The following RSU1 variants were observed in gnomAD, a reference collection of about 807,000 sequenced individuals.
RSU1 encodes Ras suppressor protein 1, also known as rsu-1.
In RSU1, 26 loss-of-function variants were observed where a neutral mutation model predicts 31.1. That is an observed-to-expected ratio of 0.84 (90% CI 0.61 to 1.16). The LOEUF (loss-of-function observed/expected upper bound fraction) is 1.16. RSU1 is among the 50% of genes most tolerant of loss of function. RSU1 has a pLI of 0.00. For missense variants in RSU1, 320 were observed against 339.1 expected (o/e 0.94, Z 0.44); for synonymous variants, 164 against 136.3 (o/e 1.20, Z -1.41).
chr10:16,601,622 T>A (rs1014962462), intron 8 of RSU1, among the ~76,000 whole-genome samples: 15 of 152,176 alleles, frequency 9.9e-5, no homozygotes, highest in African/African-American at 3.6e-4. Flanking sequence ...ATGTCTGAAC[T>A]CTTCCTGGTG....
intron 2 of RSU1, among the ~76,000 whole-genome samples, chr10:16,815,644 C>T (rs76393342): frequency 4.0e-3 from 615 of 152,168 alleles, no homozygotes; most frequent in Non-Finnish European, 6.1e-3. Context: ...TTTTGTCTTC[C>T]CAATGTCCCA....
chr10:16,699,484 G>A (rs1219302644), intron 7 of RSU1, among the ~76,000 whole-genome samples: 1 of 152,214 alleles, frequency 6.6e-6, no homozygotes, highest in Non-Finnish European at 1.5e-5. Context: ...GCTGTCGGAG[G>A]TAGGTTCCCT....
At chr10:16,601,707 C>T (rs943877281) in intron 8 of RSU1, among the ~76,000 whole-genome samples, 14 of 152,194 alleles carry the variant, frequency 9.2e-5, no homozygotes, top group African/African-American at 2.9e-4. Flanking sequence ...GCAGCCACAG[C>T]GCATGTGGCT....
chr10:16,632,255 G>T (rs1037294193), intron 8 of RSU1, among the ~76,000 whole-genome samples: 2 of 152,184 alleles, frequency 1.3e-5, no homozygotes, highest in South Asian at 2.1e-4. Context: ...AGCAATAAAC[G>T]ATTTACCAGA....
In RSU1 at chr10:16,717,891, T is replaced by C. The variant is rs1447362982; in HGVS notation, c.599-22736A>G. ...GTGAAAGTGGAGATCTACCACAATTTTGGACGCGGGTGAGGATGATTACAT... is the reference window on the plus strand; with the variant it reads ...GTGAAAGTGGAGATCTACCACAATTCTGGACGCGGGTGAGGATGATTACAT... On this transcript the variant is annotated intron_variant, in intron 7 of 8. Coordinates refer to ENST00000345264, the MANE Select transcript of RSU1 (RefSeq NM_012425.4). 4.0e-5 allele frequency among the ~76,000 whole-genome samples: 6 copies of C among 151,856 alleles called. No individual in the cohort carries two copies. In the East Asian group the frequency reaches 1.2e-3, roughly 29 times the overall value.
chr10:16,778,666 G>A (rs1837590021), intron 3 of RSU1, among the ~76,000 whole-genome samples: 1 of 152,208 alleles, frequency 6.6e-6, no homozygotes, highest in Non-Finnish European at 1.5e-5. Flanking sequence ...GCCCCCAGGG[G>A]AGGATGGGGA....
intron 8 of RSU1, among the ~76,000 whole-genome samples, chr10:16,649,746 T>C (rs752277739): frequency 1.3e-5 from 2 of 152,228 alleles, no homozygotes; most frequent in African/African-American, 4.8e-5. Context: ...CTAATGTGTG[T>C]TAATGTCCAA....
chr10:16,738,368 G>A (rs996464258), intron 7 of RSU1, among the ~76,000 whole-genome samples: 4 of 152,018 alleles, frequency 2.6e-5, no homozygotes, highest in African/African-American at 7.2e-5. Context: ...GGAGAATGAC[G>A]TGAACCCAGG....
At chr10:16,761,087 C>T (rs1837203568) in intron 4 of RSU1, among the ~76,000 whole-genome samples, 1 of 152,108 alleles carries the variant, frequency 6.6e-6, no homozygotes, top group African/African-American at 2.4e-5. Context: ...GCTGCGATCA[C>T]AGGCACGTGC....
chr10:16,702,249 G>T (rs942390391), intron 7 of RSU1, among the ~76,000 whole-genome samples: 7 of 152,356 alleles, frequency 4.6e-5, no homozygotes, highest in African/African-American at 1.7e-4. Flanking sequence ...ACCTCTACTA[G>T]GGCAGTGTGA....
chr10:16,616,110 T>C (rs971308487), intron 8 of RSU1, among the ~76,000 whole-genome samples: 2 of 151,520 alleles, frequency 1.3e-5, no homozygotes, highest in South Asian at 2.1e-4. Flanking sequence ...ATTAGCAAAA[T>C]AGACCACTAG....
At chr10:16,802,885 A>C (rs1480155128) in intron 2 of RSU1, among the ~76,000 whole-genome samples, 1 of 152,166 alleles carries the variant, frequency 6.6e-6, no homozygotes, top group Non-Finnish European at 1.5e-5. Flanking sequence ...TTCTCAACTT[A>C]ATAAAAAATA....
intron 7 of RSU1, among the ~76,000 whole-genome samples, chr10:16,737,392 A>G (rs1249594189): frequency 1.3e-5 from 2 of 152,086 alleles, no homozygotes; most frequent in East Asian, 3.8e-4. Context: ...ACAGAGAACA[A>G]TGTAAGAAAG....
intron 5 of RSU1, 65 bp downstream of exon 5, chr10:16,754,806 T>C: frequency 9.9e-7 from 1 of 1,007,420 alleles, no homozygotes; most frequent in Non-Finnish European, 1.5e-6. Context: ...TCCTGGCAAA[T>C]AAATTTCCCT....
intron 4 of RSU1, among the ~76,000 whole-genome samples, chr10:16,761,928 A>G (rs746036593): frequency 3.3e-5 from 5 of 151,938 alleles, no homozygotes; most frequent in Non-Finnish European, 5.9e-5. Flanking sequence ...AAGTCTGAGA[A>G]ATTCTCACGC....
intron 4 of RSU1, among the ~76,000 whole-genome samples, chr10:16,756,703 A>C (rs530452476): frequency 1.3e-5 from 2 of 152,342 alleles, no homozygotes; most frequent in East Asian, 3.9e-4. Flanking sequence ...GCTATTAGGA[A>C]TTAAGATTTT....
At chr10:16,789,318 A>G (rs1837864309) in intron 2 of RSU1, among the ~76,000 whole-genome samples, 1 of 152,188 alleles carries the variant, frequency 6.6e-6, no homozygotes, top group Non-Finnish European at 1.5e-5. Flanking sequence ...CACATGGTAA[A>G]GTAGGTAAGA....
intron 7 of RSU1, among the ~76,000 whole-genome samples, chr10:16,725,142 T>C (rs963333401): frequency 3.3e-5 from 5 of 152,196 alleles, no homozygotes; most frequent in African/African-American, 4.8e-5. Flanking sequence ...TAAGCTTATG[T>C]TATATGCGCT....
rs1396583034 is a variant in RSU1 at position 16,591,117 on chromosome 10, G to C, written c.*2277C>G. The stretch of plus-strand genomic sequence containing the variant: ...AGTAGAGACGGGGTTTCACCGTGTT[G>C]CCCAGGCTGGTCTCAAACTCCTGAG... On this transcript the variant is annotated 3_prime_UTR_variant, in exon 9 of 9. Transcript: ENST00000345264. The C allele has an allele frequency of 6.6e-6, 1 of 152,170 alleles. No individual in the cohort carries two copies. The highest frequency in any genetic ancestry group is 2.4e-5 in the African/African-American group (1 of 41,422). The allele number at this position is 152,170 out of a possible 1,614,324, so 9.4% of individuals were successfully genotyped here.
Sources: gnomAD v4.1 joint callset for allele counts (sites outside exome capture counted in the v4.1 genomes callset) on GRCh38, gnomAD v4.1.1 for gene constraint, MANE v1.5 for transcripts, NCBI Gene and HGNC (gene_info 2026-07-23, HGNC 2026-07-21) for gene names.